Variants in SETD7 observed in about 807,000 individuals in gnomAD.
SETD7 encodes SET domain containing 7, histone lysine methyltransferase, also known as histone-lysine N-methyltransferase SETD7.
Under a neutral mutation model 41.8 loss-of-function variants are expected in SETD7, and 16 were observed. That is an observed-to-expected ratio of 0.38 (90% CI 0.26 to 0.58). The LOEUF (loss-of-function observed/expected upper bound fraction) is 0.58. Ranked by LOEUF, SETD7 falls within the 20% of genes least tolerant of loss-of-function variation. SETD7 has a pLI of 0.64. For synonymous variants in SETD7, 163 were observed against 169.7 expected (o/e 0.96, Z 0.31); for missense variants, 346 against 459.7 (o/e 0.75, Z 2.26).
downstream of SETD7, among the ~76,000 whole-genome samples, chr4:139,495,703 G>A (rs756507042): frequency 3.9e-5 from 6 of 152,148 alleles, no homozygotes; most frequent in Non-Finnish European, 8.8e-5. Context: ...CCACATATGG[G>A]AATTACAATT....
At chr4:139,537,808 T>C (rs1727679724) in intron 2 of SETD7, among the ~76,000 whole-genome samples, 1 of 152,224 alleles carries the variant, frequency 6.6e-6, no homozygotes, top group Admixed American at 6.5e-5. Flanking sequence ...ATGAATTCGA[T>C]ATGCATACAG....
At chr4:139,556,058 C>T in intron 1 of SETD7, 40 bp downstream of exon 1, 7 of 1,568,512 alleles carry the variant, frequency 4.5e-6, no homozygotes, top group Non-Finnish European at 5.2e-6. Flanking sequence ...GCTCCAGGCC[C>T]TCTGCGCCTC....
At position 139,520,319 on chromosome 4, in the gene SETD7, A is replaced by G. The variant is rs770887179; in HGVS notation, c.720T>C (p.Thr240=). The G allele has an allele frequency of 3.1e-6, 5 of 1,608,498 alleles. No homozygotes were observed. The Admixed American group carries it at 8.4e-5, about 27-fold the overall frequency. Residue 240 remains threonine, a synonymous_variant, in exon 6 of 8, where the codon ACT becomes ACC. Coordinates refer to ENST00000274031, the MANE Select transcript of SETD7 (RefSeq NM_030648.4). Reference sequence around the variant, plus strand: ...GAACTCCATTATAAAAAGACATAACAGTATTAGGTCCCACAGCTACCTTTG... The same window carrying G: ...GAACTCCATTATAAAAAGACATAACGGTATTAGGTCCCACAGCTACCTTTG... The part of the protein sequence containing the change: ...LFSKVAVGPN[T]VMSFYNGVRI...
rs530784142 is a variant in SETD7 at position 139,523,525 on chromosome 4, T to TA, written c.563-91dup. On this transcript the variant is annotated intron_variant, in intron 4 of 7. Coordinates refer to ENST00000274031, the MANE Select transcript of SETD7 (RefSeq NM_030648.4). ...CTCTATTCATGGGACAACGAAGAGT[T>TA]AAAAAACCAAAAATCTTAATCAAGT... The TA allele has an allele frequency of 2.6e-4, 225 of 860,110 alleles. No individual in the cohort carries two copies. The African/African-American group carries it at 3.4e-3, about 13-fold the overall frequency. 53.3% of individuals were successfully genotyped at this position (860,110 alleles called of 1,614,324 possible). A position where few individuals can be genotyped will look rare whatever the true frequency, so the allele number is the denominator to read the frequency against.
chr4:139,518,158 C>CAAAA, intron 6 of SETD7, 116 bp from the exon 7 acceptor site: 2 of 1,133,914 alleles, frequency 1.8e-6, no homozygotes, highest in Non-Finnish European at 2.4e-6. Flanking sequence ...GACAGGGTCT[C>CAAAA]ACTCTGTCAC....
chr4:139,496,574 C>T (rs1236180702), intron 7 of SETD7: 3 of 677,252 alleles, frequency 4.4e-6, no homozygotes, highest in Non-Finnish European at 8.0e-6. Flanking sequence ...TATTAAGGTA[C>T]ATAGATCTCA....
chr4:139,505,691 C>T (rs191127931), downstream of SETD7, among the ~76,000 whole-genome samples: 20 of 152,276 alleles, frequency 1.3e-4, no homozygotes, highest in East Asian at 3.9e-3. Flanking sequence ...AAATCTACCA[C>T]AACGTCTAAC....
At chr4:139,500,088 C>G (rs1308549795) in intron 7 of SETD7, among the ~76,000 whole-genome samples, 1 of 152,174 alleles carries the variant, frequency 6.6e-6, no homozygotes. Context: ...TGTGCTTTTT[C>G]TCCAATTAAT....
intron 1 of SETD7, among the ~76,000 whole-genome samples, chr4:139,549,962 T>C (rs1560693863): frequency 6.6e-6 from 1 of 152,082 alleles, no homozygotes; most frequent in Non-Finnish European, 1.5e-5. Flanking sequence ...GTATTTTTAG[T>C]AGAGATGAGG....
chr4:139,514,762 T>C (rs891287948), intron 7 of SETD7, among the ~76,000 whole-genome samples: 1 of 152,224 alleles, frequency 6.6e-6, no homozygotes, highest in Non-Finnish European at 1.5e-5. Flanking sequence ...TGGCTTAGCC[T>C]CTTGTCTACA....
At position 139,554,904 on chromosome 4, in the gene SETD7, CT is replaced by C. The variant is rs34878058; in HGVS notation, c.40+1193del. ...TCCTTATGCATTTGTAGTGTCGCCA[CT>C]TTTTTTCTTTATCCTTCGTCAGAAC... On this transcript the variant is annotated intron_variant, in intron 1 of 7. Transcript: ENST00000274031. 3.3e-5 allele frequency among the ~76,000 whole-genome samples: 5 copies of C among 152,262 alleles called. No individual in the cohort carries two copies. The South Asian group carries it at 6.2e-4, about 19-fold the overall frequency.
At chr4:139,554,636 T>C (rs1285448320) in intron 1 of SETD7, among the ~76,000 whole-genome samples, 1 of 152,230 alleles carries the variant, frequency 6.6e-6, no homozygotes, top group East Asian at 1.9e-4. Flanking sequence ...ATTAGAGAGA[T>C]AAATAGCTCT....
chr4:139,532,606 A>C (rs919703985), intron 3 of SETD7: 1 of 153,356 alleles, frequency 6.5e-6, no homozygotes, highest in East Asian at 1.9e-4. Flanking sequence ...ACTTTAATAG[A>C]CTCCAGAAAT....
rs113899451 is a variant in SETD7, at chr4:139,510,865, T to C, written c.*798A>G. ...ATATTACAACTCTTCCATAACTTAATGCAAACAAAGTAAATTCATTTCTTC... is the reference window on the plus strand; with the variant it reads ...ATATTACAACTCTTCCATAACTTAACGCAAACAAAGTAAATTCATTTCTTC... On this transcript the variant is annotated 3_prime_UTR_variant, in exon 8 of 8. Transcript: ENST00000274031. 4.6e-4 allele frequency: 70 copies of C among 152,782 alleles called. No homozygotes were observed. Among genetic ancestry groups the C allele is most frequent in the African/African-American group, 1.6e-3 (65 of 41,584 alleles). The allele number at this position is 152,782 out of a possible 1,614,324, so 9.5% of individuals were successfully genotyped here.
At chr4:139,545,719 G>A (rs1482526873) in intron 2 of SETD7, among the ~76,000 whole-genome samples, 1 of 152,094 alleles carries the variant, frequency 6.6e-6, no homozygotes, top group Admixed American at 6.6e-5. Flanking sequence ...TGCAGAAAAG[G>A]GATTCTGGGT....
intron 4 of SETD7, among the ~76,000 whole-genome samples, chr4:139,525,395 A>G (rs530049863): frequency 1.3e-5 from 2 of 152,170 alleles, no homozygotes; most frequent in East Asian, 3.8e-4. Context: ...ACTTTTACAG[A>G]TTTTACACAT....
chr4:139,543,331 CTGCCT>C (rs1219736548), intron 2 of SETD7, among the ~76,000 whole-genome samples: 1 of 152,250 alleles, frequency 6.6e-6, no homozygotes, highest in African/African-American at 2.4e-5. Flanking sequence ...AATCCCACAT[CTGCCT>C]TAGAAAACCC....
exon 8 of SETD7, chr4:139,496,139 A>T (rs1726449938): frequency 2.3e-6 from 1 of 434,380 alleles, no homozygotes. Context: ...GTTTTAAAAG[A>T]TATTTTATCT....
intron 5 of SETD7, 39 bp from the exon 6 acceptor site, chr4:139,520,433 T>C: frequency 8.2e-7 from 1 of 1,221,982 alleles, no homozygotes; most frequent in Non-Finnish European, 1.2e-6. Flanking sequence ...CCTTTTCAGC[T>C]TAATATGTCA....
Sources: allele counts gnomAD v4.1 joint callset (sites outside exome capture counted in the v4.1 genomes callset), GRCh38; gene constraint gnomAD v4.1.1; transcripts MANE v1.5; gene names NCBI Gene and HGNC (gene_info 2026-07-23, HGNC 2026-07-21).